The following ZNF778 variants were observed in gnomAD, a reference collection of about 807,000 sequenced individuals.
The protein encoded by ZNF778 is zinc finger protein 778.
Under a neutral mutation model 23.9 loss-of-function variants are expected in ZNF778, and 37 were observed. The observed-to-expected ratio is 1.54, with a 90% CI of 1.19 to 2.03. The LOEUF is 2.03. ZNF778 is among the 30% of genes most tolerant of loss of function. ZNF778 has a pLI of 0.00. For missense variants in ZNF778, 1,297 were observed against 934.4 expected, an observed-to-expected ratio of 1.39 and a Z score of -5.06; for synonymous variants, 483 against 343.9, an observed-to-expected ratio of 1.40 and a Z score of -4.48.
Position 89,228,094 on chromosome 16 carries a change from G to C in ZNF778, c.1806G>C (p.Ser602=), listed in dbSNP as rs112403233. The change falls in exon 7 of 7, where the codon TCG becomes TCC. Residue 602 remains serine (S), a synonymous_variant. Coordinates refer to ENST00000433976, the MANE Select transcript of ZNF778 (RefSeq NM_001201407.2). ...GTGGGAAAACATTCACTGTTTCTTC[G>C]AGCCTAACCGAGCACATACGAACTC... The part of the protein sequence containing the change: ...KDCGKTFTVS[S]SLTEHIRTHT... 3 of 1,612,694 alleles carry C rather than the reference G, an allele frequency of 1.9e-6. No individual in the cohort carries two copies. The highest frequency in any genetic ancestry group is 2.2e-5 in the East Asian group (1 of 44,788).
Position 89,233,857 on chromosome 16 carries a change from C to T in ZNF778, c.*5295C>T. The T allele has an allele frequency of 7.8e-7, 1 of 1,289,976 alleles. No homozygotes were observed. Among genetic ancestry groups the T allele is most frequent in the Non-Finnish European group, 1.0e-6 (1 of 989,260 alleles). The allele number at this position is 1,289,976 out of a possible 1,614,324, so 79.9% of individuals were successfully genotyped here. On this transcript the variant is annotated 3_prime_UTR_variant, in exon 7 of 7. Transcript: ENST00000433976. ...ACTTATTTCCGGCCACTTCCTTTTT[C>T]TAACTACCACACCAAGCCAGTATTT... is the stretch of plus-strand genomic sequence containing the variant.
In ZNF778 at chr16:89,229,472, G is replaced by A; in HGVS notation, c.*910G>A. On this transcript the variant is annotated 3_prime_UTR_variant, in exon 7 of 7. Transcript: ENST00000433976. ...ATGCAGATGTGATTCTGTGTGAGCA[G>A]CGTAGGCTCTGGTTGGTTAGTCTTG... is the stretch of plus-strand genomic sequence containing the variant. 1.0e-6 allele frequency: 1 copy of A among 979,712 alleles called. No homozygotes were observed. Among genetic ancestry groups the A allele is most frequent in the Non-Finnish European group, 1.2e-6 (1 of 827,890 alleles). The allele number at this position is 979,712 out of a possible 1,614,324, so 60.7% of individuals were successfully genotyped here.
rs898122356 is a variant in ZNF778, at chr16:89,227,870, A to G, written c.1582A>G (p.Thr528Ala). 6.2e-7 allele frequency: 1 copy of G among 1,610,320 alleles called. No homozygotes were observed. The highest frequency in any genetic ancestry group is 8.5e-7 in the Non-Finnish European group (1 of 1,178,636). The change falls in exon 7 of 7, where the codon ACC becomes GCC. Residue 528 changes from threonine to alanine, a missense_variant. By Grantham distance (58) the Thr-to-Ala change is moderately conservative. Coordinates refer to ENST00000433976, the MANE Select transcript of ZNF778 (RefSeq NM_001201407.2). The stretch of plus-strand genomic sequence containing the variant: ...CCTCACTAAACACATGCGGACACAC[A>G]CCGGGGAGAAGCCCTATGAATGTAA... ...SGLTKHMRTH[T>A]GEKPYECKDC...
At chr16:89,217,995 T>A (rs1430455093) in intron 1 of ZNF778, 85 bp downstream of exon 1, 1 of 152,268 alleles carries the variant, frequency 6.6e-6, no homozygotes, top group Non-Finnish European at 1.5e-5. Flanking sequence ...GTTTTTTATT[T>A]GTTTCTGGCA....
chr16:89,220,913 C>G, intron 1 of ZNF778, 84 bp from the exon 2 acceptor site: 1 of 568,636 alleles, frequency 1.8e-6, no homozygotes, highest in East Asian at 3.0e-5. Context: ...GATATAGTGG[C>G]TTTCACATAT....
chr16:89,233,558 A>G lies in ZNF778; in HGVS notation c.*4996A>G, dbSNP rs113847175. 56 of 1,278,144 alleles carry G rather than the reference A, an allele frequency of 4.4e-5. 2 individuals are homozygous for G. The African/African-American group carries it at 4.5e-4, about 10-fold the overall frequency. The allele number at this position is 1,278,144 out of a possible 1,614,324, so 79.2% of individuals were successfully genotyped here. A position where few individuals can be genotyped will look rare whatever the true frequency, so the allele number is the denominator to read the frequency against. On this transcript the variant is annotated 3_prime_UTR_variant, in exon 7 of 7. Transcript: ENST00000433976. ...GCGTATGCAAATCAACTCACTGCAT[A>G]TGCAACTCAGCTCGCACTGCATATG...
chr16:89,223,736 C>G (rs2031189815), intron 4 of ZNF778, among the ~76,000 whole-genome samples: 1 of 152,158 alleles, frequency 6.6e-6, no homozygotes, highest in South Asian at 2.1e-4. Context: ...TCAGAGATAA[C>G]CAGTTTCTTT....
intron 3 of ZNF778, 68 bp from the exon 4 acceptor site, chr16:89,223,089 C>G: frequency 2.6e-5 from 40 of 1,563,080 alleles, no homozygotes; most frequent in Non-Finnish European, 3.5e-5. Context: ...AGGGCCCCGC[C>G]TCCTCATTCT....
Position 89,227,930 on chromosome 16 carries a change from C to G in ZNF778, c.1642C>G (p.Leu548Val). 3 of 1,614,078 alleles carry G rather than the reference C, an allele frequency of 1.9e-6. No individual in the cohort carries two copies. The highest frequency in any genetic ancestry group is 2.5e-6 in the Non-Finnish European group (3 of 1,179,990). ...GAAAGCCTACAATAGGGTTTATCTACTGAATGAGCATGTGAAAACTCACAC... is the reference window on the plus strand; with the variant it reads ...GAAAGCCTACAATAGGGTTTATCTAGTGAATGAGCATGTGAAAACTCACAC... The part of the protein sequence containing the change: ...CGKAYNRVYL[L>V]NEHVKTHTEE... Residue 548 changes from leucine (L) to valine (V), a missense_variant, in exon 7 of 7, where the codon CTG becomes GTG. Coordinates refer to ENST00000433976, the MANE Select transcript of ZNF778 (RefSeq NM_001201407.2).
In ZNF778 at chr16:89,228,832, C is replaced by A; in HGVS notation, c.*270C>A. On this transcript the variant is annotated 3_prime_UTR_variant, in exon 7 of 7. Coordinates refer to ENST00000433976, the MANE Select transcript of ZNF778 (RefSeq NM_001201407.2). Reference sequence around the variant, plus strand: ...ATGCAGCAGCATTGTTGCTGTTCTGCTCAGTACTTTGATGATCCCTTGTGA... The same window carrying A: ...ATGCAGCAGCATTGTTGCTGTTCTGATCAGTACTTTGATGATCCCTTGTGA... The A allele has an allele frequency of 8.5e-7, 1 of 1,170,436 alleles. No homozygotes were observed. Among genetic ancestry groups the A allele is most frequent in the Admixed American group, 4.3e-5 (1 of 23,496 alleles). The allele number at this position is 1,170,436 out of a possible 1,614,324, so 72.5% of individuals were successfully genotyped here.
chr16:89,220,854 C>T, intron 1 of ZNF778, 143 bp from the exon 2 acceptor site: 1 of 449,544 alleles, frequency 2.2e-6, no homozygotes, highest in South Asian at 2.3e-5. Flanking sequence ...CCATATACTG[C>T]TCTTCAGTAG....
intron 4 of ZNF778, 109 bp downstream of exon 4, chr16:89,223,392 A>G: frequency 6.8e-7 from 1 of 1,476,012 alleles, no homozygotes; most frequent in Non-Finnish European, 9.3e-7. Context: ...GAAGTAAGAG[A>G]TATAACAACT....
intron 4 of ZNF778, among the ~76,000 whole-genome samples, chr16:89,224,229 G>GT (rs2031249612): frequency 6.6e-6 from 1 of 151,340 alleles, no homozygotes; most frequent in African/African-American, 2.4e-5. Context: ...GGCCACGCCT[G>GT]TAATCCCAGC....
Position 89,227,107 on chromosome 16 carries a change from A to G in ZNF778, c.819A>G (p.Glu273=). ...THSMGCATPV[E]MHAVRNPHVC... ...CCATGGGCTGCGCCACACCTGTTGA[A>G]ATGCATGCCGTCAGGAATCCCCACG... Residue 273 remains glutamate (E), a synonymous_variant, in exon 7 of 7, where the codon GAA becomes GAG. Transcript: ENST00000433976. The G allele has an allele frequency of 6.2e-7, 1 of 1,614,018 alleles. No individual in the cohort carries two copies. Among genetic ancestry groups the G allele is most frequent in the Non-Finnish European group, 8.5e-7 (1 of 1,179,896 alleles).
chr16:89,234,015 C>T lies in ZNF778; in HGVS notation c.*5453C>T, dbSNP rs754469498. 2.7e-4 allele frequency: 301 copies of T among 1,123,906 alleles called. No homozygotes were observed. Among genetic ancestry groups the T allele is most frequent in the Non-Finnish European group, 3.4e-4 (283 of 837,890 alleles). 69.6% of individuals were successfully genotyped at this position (1,123,906 alleles called of 1,614,324 possible). A position where few individuals can be genotyped will look rare whatever the true frequency, so the allele number is the denominator to read the frequency against. ...CCCTGTCCTGCCTTTCCTGTGAAAA[C>T]CCTGTGGCCTCTGCCTCCCCTGGCT... On this transcript the variant is annotated 3_prime_UTR_variant, in exon 7 of 7. Coordinates refer to ENST00000433976, the MANE Select transcript of ZNF778 (RefSeq NM_001201407.2).
intron 3 of ZNF778, among the ~76,000 whole-genome samples, chr16:89,222,606 C>T (rs533114265): frequency 2.0e-5 from 3 of 152,214 alleles, no homozygotes; most frequent in African/African-American, 7.2e-5. Context: ...TCAAGTGATC[C>T]ACCCGCTTTG....
At position 89,229,680 on chromosome 16, in the gene ZNF778, C is replaced by T. The variant is rs1169967252; in HGVS notation, c.*1118C>T. ...GGATCCAGATGTGATCCTGCGTGAG[C>T]AGCGTAGGCTCTGGTTGGTTAGTCT... is the stretch of plus-strand genomic sequence containing the variant. On this transcript the variant is annotated 3_prime_UTR_variant, in exon 7 of 7. Coordinates refer to ENST00000433976, the MANE Select transcript of ZNF778 (RefSeq NM_001201407.2). 11 of 978,998 alleles carry T rather than the reference C, an allele frequency of 1.1e-5. No individual in the cohort carries two copies. The highest frequency in any genetic ancestry group is 1.3e-5 in the Non-Finnish European group (11 of 829,004). 60.6% of individuals were successfully genotyped at this position (978,998 alleles called of 1,614,324 possible). A position where few individuals can be genotyped will look rare whatever the true frequency, so the allele number is the denominator to read the frequency against.
At chr16:89,224,661 T>C in intron 4 of ZNF778, 58 bp from the exon 5 acceptor site, 1 of 1,203,080 alleles carries the variant, frequency 8.3e-7, no homozygotes, top group Non-Finnish European at 1.2e-6. Flanking sequence ...TGTTCACGGG[T>C]AGGTTTGTCA....
chr16:89,220,114 C>T (rs2030775530), intron 1 of ZNF778, among the ~76,000 whole-genome samples: 1 of 152,178 alleles, frequency 6.6e-6, no homozygotes, highest in Admixed American at 6.6e-5. Flanking sequence ...ATATTACATC[C>T]CTTTTTGAAG....
Sources: allele counts gnomAD v4.1 joint callset (sites outside exome capture counted in the v4.1 genomes callset), GRCh38; gene constraint gnomAD v4.1.1; transcripts MANE v1.5; gene names NCBI Gene and HGNC (gene_info 2026-07-23, HGNC 2026-07-21).